The following NEO1 variants were observed in gnomAD, a reference collection of about 807,000 sequenced individuals.
NEO1 encodes neogenin 1, also known as neogenin.
Under a neutral mutation model 159.7 loss-of-function variants are expected in NEO1, and 63 were observed. The observed-to-expected ratio is 0.39, with a 90% confidence interval of 0.32 to 0.49. The LOEUF (loss-of-function observed/expected upper bound fraction) is 0.49. Ranked by LOEUF, NEO1 falls within the 20% of genes least tolerant of loss-of-function variation. NEO1 has a pLI of 0.85. For missense variants in NEO1, 1,615 were observed against 1,831.0 expected (o/e 0.88, Z 2.15); for synonymous variants, 633 against 662.0 (o/e 0.96, Z 0.67).
intron 4 of NEO1, among the ~76,000 whole-genome samples, chr15:73,127,196 A>G (rs997993085): frequency 1.3e-5 from 2 of 151,092 alleles, no homozygotes; most frequent in African/African-American, 2.4e-5. Flanking sequence ...GCGTCACTGC[A>G]CTCTAGCCTG....
chr15:73,287,714 C>G (rs1210196007), intron 23 of NEO1, among the ~76,000 whole-genome samples: 1 of 152,040 alleles, frequency 6.6e-6, no homozygotes, highest in Non-Finnish European at 1.5e-5. Flanking sequence ...AACCCTGTCT[C>G]TACTAAAAAC....
chr15:73,110,646 T>A (rs532637107), intron 1 of NEO1, among the ~76,000 whole-genome samples: 1 of 152,186 alleles, frequency 6.6e-6, no homozygotes, highest in African/African-American at 2.4e-5. Flanking sequence ...AGGAATAGTC[T>A]ATCAAGAAGT....
chr15:73,206,878 G>C (rs895558316), intron 7 of NEO1, among the ~76,000 whole-genome samples: 4 of 151,754 alleles, frequency 2.6e-5, no homozygotes, highest in African/African-American at 9.7e-5. Flanking sequence ...TAGAGAGACA[G>C]GGTTTCACTT....
At chr15:73,244,560 T>C in intron 9 of NEO1, 62 bp downstream of exon 9, 1 of 1,561,768 alleles carries the variant, frequency 6.4e-7, no homozygotes, top group African/African-American at 1.4e-5. Flanking sequence ...GTTCTACCTT[T>C]GTTTAGCCTT....
At chr15:73,238,239 G>A (rs1285599499) in intron 8 of NEO1, among the ~76,000 whole-genome samples, 1 of 128,968 alleles carries the variant, frequency 7.8e-6, no homozygotes, top group Non-Finnish European at 1.6e-5. Context: ...TATGTGTGTG[G>A]TATTTTTTTG....
chr15:73,287,326 T>G (rs781077766), intron 23 of NEO1, among the ~76,000 whole-genome samples: 1 of 152,258 alleles, frequency 6.6e-6, no homozygotes, highest in Non-Finnish European at 1.5e-5. Context: ...TAAGTCCAAC[T>G]GTTAAGAAGT....
In NEO1 at chr15:73,178,463, G is replaced by A. The variant is rs1181286851; in HGVS notation, c.1291+36G>A. The A allele has an allele frequency of 2.5e-6, 4 of 1,609,032 alleles. No individual in the cohort carries two copies. The South Asian group carries it at 3.3e-5, about 13-fold the overall frequency. ...CTGAAATAGTCAGATGATAGAGGCT[G>A]TGTGCTTGATGAACAAGCACCCATC... On this transcript the variant is annotated intron_variant, in intron 7 of 28. Coordinates refer to ENST00000261908, the MANE Select transcript of NEO1 (RefSeq NM_002499.4).
At chr15:73,131,243 A>AT (rs1404899773) in intron 4 of NEO1, among the ~76,000 whole-genome samples, 3 of 152,230 alleles carry the variant, frequency 2.0e-5, no homozygotes, top group African/African-American at 7.2e-5. Flanking sequence ...AGTGACAGAG[A>AT]TTTTAGAATT....
At chr15:73,134,566 T>TTG (rs2031526235) in intron 4 of NEO1, among the ~76,000 whole-genome samples, 1 of 152,066 alleles carries the variant, frequency 6.6e-6, no homozygotes, top group African/African-American at 2.4e-5. Flanking sequence ...CTTTTTTTTT[T>TTG]TTGAGATGGA....
At chr15:73,059,924 A>T (rs2067897067) in intron 1 of NEO1, among the ~76,000 whole-genome samples, 1 of 152,158 alleles carries the variant, frequency 6.6e-6, no homozygotes, top group South Asian at 2.1e-4. Flanking sequence ...TTCAGAATTG[A>T]TTATTGGTCA....
chr15:73,266,579 T>A (rs1372825190), intron 16 of NEO1, among the ~76,000 whole-genome samples, 168 bp downstream of exon 16: 1 of 152,174 alleles, frequency 6.6e-6, no homozygotes, highest in African/African-American at 2.4e-5. Flanking sequence ...TTCTGTTAAT[T>A]TGTTTTGCTT....
intron 9 of NEO1, among the ~76,000 whole-genome samples, chr15:73,247,753 A>G (rs1567594186): frequency 6.6e-6 from 1 of 152,214 alleles, no homozygotes; most frequent in African/African-American, 2.4e-5. Flanking sequence ...CAAATATAGA[A>G]TGTCTACCAA....
intron 4 of NEO1, 152 bp from the exon 5 acceptor site, chr15:73,135,739 T>G: frequency 1.6e-6 from 1 of 641,568 alleles, no homozygotes; most frequent in Non-Finnish European, 2.3e-6. Context: ...CTAAATTAAA[T>G]TCTGGTAATT....
chr15:73,052,341 C>A (rs1395742005), upstream of NEO1: 2 of 146,894 alleles, frequency 1.4e-5, no homozygotes, highest in Non-Finnish European at 3.0e-5. Flanking sequence ...GTCTCCGCCC[C>A]CCTCGCGCTG....
Position 73,244,348 on chromosome 15 carries a change from C to A in NEO1, c.1456C>A (p.Arg486Ser), listed in dbSNP as rs751002694. The change falls in exon 9 of 29, where the codon CGT becomes AGT. Residue 486 changes from arginine to serine, a missense_variant. Coordinates refer to ENST00000261908, the MANE Select transcript of NEO1 (RefSeq NM_002499.4). ...CTCCAAATCCTTTGTCTAAAGGGAACGTGTTGAGAATACCAGTCACCCAGG... is the reference window on the plus strand; with the variant it reads ...CTCCAAATCCTTTGTCTAAAGGGAAAGTGTTGAGAATACCAGTCACCCAGG... The part of the protein sequence containing the change: ...FYTKEGIARE[R>S]VENTSHPGEM... The A allele has an allele frequency of 6.2e-7, 1 of 1,612,316 alleles. No homozygotes were observed. The highest frequency in any genetic ancestry group is 8.5e-7 in the Non-Finnish European group (1 of 1,179,024).
intron 7 of NEO1, among the ~76,000 whole-genome samples, chr15:73,218,498 A>G (rs2038037020): frequency 6.6e-6 from 1 of 152,120 alleles, no homozygotes; most frequent in Non-Finnish European, 1.5e-5. Context: ...TTCAGAAGGA[A>G]TGGTACCAGT....
chr15:73,103,224 C>T (rs1206973677), intron 1 of NEO1, among the ~76,000 whole-genome samples: 2 of 152,160 alleles, frequency 1.3e-5, no homozygotes, highest in Admixed American at 1.3e-4. Flanking sequence ...AAGAATGATC[C>T]TTTTAATATT....
In NEO1 at chr15:73,303,840, G is replaced by A. The variant is rs1396783128; in HGVS notation, c.*1144G>A. ...CCCATTCTGTAAATCAGAAAGCAAG[G>A]ATGGAGACCCTTTCCTGCTGCTATT... On this transcript the variant is annotated 3_prime_UTR_variant, in exon 29 of 29. Coordinates refer to ENST00000261908, the MANE Select transcript of NEO1 (RefSeq NM_002499.4). 2 of 152,214 alleles carry A rather than the reference G, an allele frequency of 1.3e-5. No individual in the cohort carries two copies. Among genetic ancestry groups the A allele is most frequent in the African/African-American group, 4.8e-5 (2 of 41,448 alleles). The allele number at this position is 152,214 out of a possible 1,614,324, so 9.4% of individuals were successfully genotyped here. A position where few individuals can be genotyped will look rare whatever the true frequency, so the allele number is the denominator to read the frequency against.
chr15:73,288,609 C>CTT, intron 24 of NEO1, 58 bp downstream of exon 24: 25 of 1,176,966 alleles, frequency 2.1e-5, no homozygotes, highest in East Asian at 2.9e-5. Context: ...TCATTTAAAT[C>CTT]TTTTTTTTTT....
Sources: gnomAD v4.1 joint callset for allele counts (sites outside exome capture counted in the v4.1 genomes callset) on GRCh38, gnomAD v4.1.1 for gene constraint, MANE v1.5 for transcripts, NCBI Gene and HGNC (gene_info 2026-07-23, HGNC 2026-07-21) for gene names.